Variants in TWF2 observed in about 807,000 individuals in gnomAD.
TWF2 encodes twinfilin actin binding protein 2.
In TWF2, 15 loss-of-function variants were observed where a neutral mutation model predicts 45.1. That is an observed-to-expected ratio of 0.33 (90% CI 0.22 to 0.51). The LOEUF (loss-of-function observed/expected upper bound fraction) is 0.51. Ranked by LOEUF, TWF2 falls within the 20% of genes least tolerant of loss-of-function variation. The pLI is 0.97. For missense variants in TWF2, 423 were observed against 469.1 expected (o/e 0.90, Z 0.91); for synonymous variants, 177 against 195.8 (o/e 0.90, Z 0.80).
intron 2 of TWF2, among the ~76,000 whole-genome samples, chr3:52,234,119 A>G (rs1699704465): frequency 6.6e-6 from 1 of 152,036 alleles, no homozygotes; most frequent in South Asian, 2.1e-4. Context: ...TCCCTGGGCA[A>G]AGCACTGCCA....
intron 6 of TWF2, among the ~76,000 whole-genome samples, chr3:52,230,590 G>T (rs561140739): frequency 6.6e-6 from 1 of 152,130 alleles, no homozygotes; most frequent in Non-Finnish European, 1.5e-5. Context: ...GGTGGAGGGC[G>T]GAATGGGGCA....
chr3:52,238,934 G>GC (rs1203214336), intron 1 of TWF2, 58 bp downstream of exon 1: 21 of 1,564,926 alleles, frequency 1.3e-5, no homozygotes, highest in African/African-American at 4.1e-5. Flanking sequence ...AGAGCCGGGG[G>GC]GGGGCGCTTC....
chr3:52,229,889 C>G, intron 7 of TWF2, 31 bp downstream of exon 7: 1 of 1,597,022 alleles, frequency 6.3e-7, no homozygotes, highest in South Asian at 1.1e-5. Flanking sequence ...CACCCAGCCA[C>G]AGGCTTGGGA....
intron 1 of TWF2, among the ~76,000 whole-genome samples, chr3:52,238,479 A>G (rs1024699218): frequency 9.9e-5 from 15 of 152,114 alleles, no homozygotes; most frequent in African/African-American, 2.7e-4. Flanking sequence ...GCACACTGAG[A>G]CGCGCTCCAA....
In TWF2 at chr3:52,239,092, G is replaced by C. The variant is rs1030556946; in HGVS notation, c.-76C>G. On this transcript the variant is annotated 5_prime_UTR_variant, in exon 1 of 9. Transcript: ENST00000305533. Reference sequence around the variant, plus strand: ...GGCCCGGCAACGCTCGCTGGACCAAGAGAGGTGGAGGATGTGGCGGAGGCT... The same window carrying C: ...GGCCCGGCAACGCTCGCTGGACCAACAGAGGTGGAGGATGTGGCGGAGGCT... 2.2e-5 allele frequency: 34 copies of C among 1,515,228 alleles called. No homozygotes were observed. The highest frequency in any genetic ancestry group is 3.0e-5 in the Non-Finnish European group (34 of 1,123,036). The allele number at this position is 1,515,228 out of a possible 1,614,324, so 93.9% of individuals were successfully genotyped here.
intron 1 of TWF2, among the ~76,000 whole-genome samples, chr3:52,237,711 C>T (rs1318960279): frequency 6.6e-6 from 1 of 152,202 alleles, no homozygotes; most frequent in Non-Finnish European, 1.5e-5. Flanking sequence ...GCCTGCCCGC[C>T]AGCTCCTCCT....
chr3:52,231,186 C>G lies in TWF2; in HGVS notation c.424G>C (p.Ala142Pro), dbSNP rs1393892579. 1 of 1,614,030 alleles carries G rather than the reference C, an allele frequency of 6.2e-7. No individual in the cohort carries two copies. The highest frequency in any genetic ancestry group is 2.2e-5 in the East Asian group (1 of 44,868). Residue 142 changes from alanine to proline, a missense_variant, in exon 5 of 9, where the codon GCG becomes CCG. By Grantham distance (27) the Ala-to-Pro change is conservative. Transcript: ENST00000305533. ...AGYQKHLSSC[A>P]APAPLTSAER... is the part of the protein sequence containing the mutation. ...GCCGAGGTCAGCGGGGCAGGTGCCG[C>G]ACAGGACGACAGGTGTTTCTGGTAC...
chr3:52,231,345 T>A, intron 4 of TWF2, 99 bp downstream of exon 4: 2 of 1,573,430 alleles, frequency 1.3e-6, no homozygotes, highest in South Asian at 2.3e-5. Context: ...GCCCCCATCT[T>A]CCTCCCGAAG....
intron 1 of TWF2, among the ~76,000 whole-genome samples, chr3:52,236,700 G>A (rs1442973877): frequency 1.3e-5 from 2 of 152,180 alleles, no homozygotes; most frequent in African/African-American, 2.4e-5. Context: ...GTTAATCTGA[G>A]ACCTCAGGCT....
chr3:52,238,931 G>GGT (rs1553616989), intron 1 of TWF2, 61 bp downstream of exon 1: 9 of 1,562,750 alleles, frequency 5.8e-6, no homozygotes, highest in Non-Finnish European at 7.8e-6. Flanking sequence ...CCGAGAGCCG[G>GGT]GGGGGGGCGC....
chr3:52,230,146 A>T, intron 6 of TWF2, 76 bp from the exon 7 acceptor site: 2 of 1,458,886 alleles, frequency 1.4e-6, no homozygotes, highest in Non-Finnish European at 1.8e-6. Context: ...GAAGCCCTCA[A>T]ACAGGATTAG....
chr3:52,236,874 C>G (rs559580184), intron 1 of TWF2, among the ~76,000 whole-genome samples: 2 of 152,212 alleles, frequency 1.3e-5, no homozygotes, highest in East Asian at 3.9e-4. Context: ...TCCCTGAGGC[C>G]CCAAGCCTGG....
chr3:52,229,171 C>A lies in TWF2; in HGVS notation c.913G>T (p.Ala305Ser). ...IEIGDGAELT[A>S]EFLYDEVHPK... The stretch of plus-strand genomic sequence containing the variant: ...TGCACCTCGTCGTAGAGGAACTCTG[C>A]CGTCAGCTCTGCCCCATCGCCAATC... The change falls in exon 9 of 9, where the codon GCA (alanine) becomes TCA (serine). Residue 305 changes from alanine to serine, a missense_variant. Physicochemically the swap from Ala to Ser is moderately conservative, Grantham distance 99 (BLOSUM62 1). Transcript: ENST00000305533. 1 of 1,612,654 alleles carries A rather than the reference C, an allele frequency of 6.2e-7. No homozygotes were observed. Among genetic ancestry groups the A allele is most frequent in the South Asian group, 1.1e-5 (1 of 91,076 alleles).
chr3:52,231,474 G>A lies in TWF2; in HGVS notation c.348C>T (p.His116=). The change falls in exon 4 of 9, where the codon CAC becomes CAT. Residue 116 remains histidine (H), a synonymous_variant. Coordinates refer to ENST00000305533, the MANE Select transcript of TWF2 (RefSeq NM_007284.4). The stretch of plus-strand genomic sequence containing the variant: ...CAGTCCCGAAGAGCTCATCCTTGAT[G>A]TGGCCACCTCCAAACTCCTTTTTCA... ...ATVKKEFGGG[H]IKDELFGTVK... is the part of the protein sequence containing the mutation. 1.9e-6 allele frequency: 3 copies of A among 1,614,060 alleles called. No individual in the cohort carries two copies. Among genetic ancestry groups the A allele is most frequent in the Non-Finnish European group, 1.7e-6 (2 of 1,179,970 alleles).
At chr3:52,230,618 C>G (rs1040303883) in intron 6 of TWF2, among the ~76,000 whole-genome samples, 9 of 152,064 alleles carry the variant, frequency 5.9e-5, no homozygotes, top group African/African-American at 2.2e-4. Context: ...CACAGGTGTA[C>G]CTGTGTATGA....
chr3:52,239,127 C>A lies in TWF2; in HGVS notation c.-111G>T, dbSNP rs905084749. 5.6e-5 allele frequency: 73 copies of A among 1,309,014 alleles called. No individual in the cohort carries two copies. The highest frequency in any genetic ancestry group is 7.2e-5 in the Non-Finnish European group (72 of 999,744). 81.1% of individuals were successfully genotyped at this position (1,309,014 alleles called of 1,614,324 possible). On this transcript the variant is annotated 5_prime_UTR_variant, in exon 1 of 9. Coordinates refer to ENST00000305533, the MANE Select transcript of TWF2 (RefSeq NM_007284.4). The stretch of plus-strand genomic sequence containing the variant: ...GGATGTGGCGGAGGCTGTCGACCCT[C>A]GCGCAGCTTCCCGGGCGGTGCCGCA...
intron 2 of TWF2, among the ~76,000 whole-genome samples, chr3:52,233,913 CAAAAAAA>C (rs5848945): frequency 4.0e-5 from 3 of 74,242 alleles, no homozygotes; most frequent in African/African-American, 1.1e-4. Flanking sequence ...AACTCCGTCT[CAAAAAAA>C]AAAAAAAAAA....
Position 52,229,207 on chromosome 3 carries a change from T to C in TWF2, c.883-6A>G, listed in dbSNP as rs1212802320. ...GCCCCATCGCCAATCTCAATCTGCATGGGGCAAGGCAGTGGTCACCCCAAT... is the reference window on the plus strand; with the variant it reads ...GCCCCATCGCCAATCTCAATCTGCACGGGGCAAGGCAGTGGTCACCCCAAT... On this transcript the variant is annotated splice_region_variant and splice_polypyrimidine_tract_variant and intron_variant, in intron 8 of 8. Transcript: ENST00000305533. 1 of 1,609,910 alleles carries C rather than the reference T, an allele frequency of 6.2e-7. No homozygotes were observed. Among genetic ancestry groups the C allele is most frequent in the Non-Finnish European group, 8.5e-7 (1 of 1,179,920 alleles).
Position 52,228,780 on chromosome 3 carries a change from C to G in TWF2, c.*254G>C. ...GGGAGGCCAGGTTCATGCCAGGCCC[C>G]TGACCCAGCCCCCTTAAGCCAGCCA... On this transcript the variant is annotated 3_prime_UTR_variant, in exon 9 of 9. Coordinates refer to ENST00000305533, the MANE Select transcript of TWF2 (RefSeq NM_007284.4). 1 of 559,456 alleles carries G rather than the reference C, an allele frequency of 1.8e-6. No homozygotes were observed. Among genetic ancestry groups the G allele is most frequent in the East Asian group, 3.3e-5 (1 of 30,080 alleles). The allele number at this position is 559,456 out of a possible 1,614,324, so 34.7% of individuals were successfully genotyped here. A position where few individuals can be genotyped will look rare whatever the true frequency, so the allele number is the denominator to read the frequency against.
Sources: gnomAD v4.1 joint callset for allele counts (sites outside exome capture counted in the v4.1 genomes callset) on GRCh38, gnomAD v4.1.1 for gene constraint, MANE v1.5 for transcripts, NCBI Gene and HGNC (gene_info 2026-07-23, HGNC 2026-07-21) for gene names.